RANBP3: variants seen among roughly 807,000 people sequenced by gnomAD.
RANBP3 encodes ran-binding protein 3.
In RANBP3, 14 loss-of-function variants were observed where a neutral mutation model predicts 77.3. The observed-to-expected ratio is 0.18, with a 90% CI of 0.12 to 0.28. RANBP3 has a LOEUF of 0.28. Among genes scored for constraint, RANBP3 ranks in the 10% least tolerant of loss-of-function variants. RANBP3 has a pLI of 1.00. For synonymous variants in RANBP3, 315 were observed against 312.4 expected, an observed-to-expected ratio of 1.01 and a Z score of -0.09; for missense variants, 586 against 752.3, an observed-to-expected ratio of 0.78 and a Z score of 2.59.
At chr19:5,940,172 G>A (rs2058117086) in intron 5 of RANBP3, among the ~76,000 whole-genome samples, 1 of 152,232 alleles carries the variant, frequency 6.6e-6, no homozygotes, top group Non-Finnish European at 1.5e-5. Flanking sequence ...CTGCTGCGCT[G>A]GACGGGAGGT....
Position 5,978,132 on chromosome 19 carries a change from CT to C in RANBP3, c.-51del. The C allele has an allele frequency of 1.8e-5, 29 of 1,589,150 alleles. No homozygotes were observed. The highest frequency in any genetic ancestry group is 2.4e-5 in the Non-Finnish European group (28 of 1,170,080). On this transcript the variant is annotated 5_prime_UTR_variant, in exon 1 of 17. Transcript: ENST00000340578. ...AGGCCCCGCGCCGGCCCAGGCTCGC[CT>C]GCTTTCTGCCAGAAACTCCCGCGCG...
At chr19:5,975,092 A>C (rs1172271830) in intron 1 of RANBP3, among the ~76,000 whole-genome samples, 2 of 152,242 alleles carry the variant, frequency 1.3e-5, no homozygotes, top group African/African-American at 4.8e-5. Context: ...AGGCACAGGC[A>C]AGGAGGCCCC....
chr19:5,928,279 C>A (rs1279157544), intron 8 of RANBP3, 192 bp from the exon 9 acceptor site: 3 of 517,302 alleles, frequency 5.8e-6, no homozygotes, highest in Non-Finnish European at 9.7e-6. Context: ...TGAGATCACA[C>A]CACTGCACTC....
At chr19:5,965,714 T>C (rs370547793) in intron 1 of RANBP3, 1 of 152,264 alleles carries the variant, frequency 6.6e-6, no homozygotes, top group African/African-American at 2.4e-5. Flanking sequence ...TGAAGAAGGG[T>C]TGTAGAATCC....
At position 5,927,071 on chromosome 19, in the gene RANBP3, CAA is replaced by C. The variant is rs1427986085; in HGVS notation, c.813+895_813+896del. ...AAGTACCTCCCAGTTGTGACAACCA[CAA>C]AAGTCTCTAGACACAGCCACCGATA... On this transcript the variant is annotated intron_variant, in intron 9 of 16. Transcript: ENST00000340578. Among the ~76,000 whole-genome samples the C allele has an allele frequency of 2.0e-5, 3 of 152,206 alleles. No homozygotes were observed. The East Asian group carries it at 5.8e-4, about 29-fold the overall frequency.
At chr19:5,948,546 C>T (rs1024392239) in intron 3 of RANBP3, among the ~76,000 whole-genome samples, 1 of 151,972 alleles carries the variant, frequency 6.6e-6, no homozygotes, top group African/African-American at 2.4e-5. Context: ...GAAAACCTGG[C>T]TGGTCATGGC....
intron 1 of RANBP3, among the ~76,000 whole-genome samples, chr19:5,970,584 G>A (rs1305769092): frequency 6.6e-6 from 1 of 152,096 alleles, no homozygotes; most frequent in East Asian, 1.9e-4. Context: ...CATGAGTAGA[G>A]GCTAGAGGGG....
At chr19:5,966,506 C>A (rs1488079638) in intron 1 of RANBP3, among the ~76,000 whole-genome samples, 3 of 152,254 alleles carry the variant, frequency 2.0e-5, no homozygotes, top group African/African-American at 7.2e-5. Context: ...GCTGACAACA[C>A]ACACACTCTC....
At chr19:5,917,748 G>A (rs750064687) in intron 16 of RANBP3, 46 bp downstream of exon 16, 12 of 1,585,554 alleles carry the variant, frequency 7.6e-6, no homozygotes, top group East Asian at 4.5e-5. Context: ...CAAGGATGGC[G>A]GGCAGCTCTT....
At chr19:5,929,905 A>G (rs2057965747) in intron 8 of RANBP3, among the ~76,000 whole-genome samples, 1 of 152,184 alleles carries the variant, frequency 6.6e-6, no homozygotes, top group Non-Finnish European at 1.5e-5. Context: ...AGGAGCTGGG[A>G]ATGGCAGCCA....
intron 3 of RANBP3, chr19:5,950,803 G>C (rs142677320): frequency 3.9e-5 from 6 of 154,006 alleles, no homozygotes; most frequent in African/African-American, 1.4e-4. Flanking sequence ...TCTTCAAAAG[G>C]CTTCTTAATA....
At position 5,952,526 on chromosome 19, in the gene RANBP3, C is replaced by A. The variant is rs2058288014; in HGVS notation, c.79-930G>T. On this transcript the variant is annotated intron_variant, in intron 2 of 16. Transcript: ENST00000340578. The surrounding 1 kb of genome is among the most constrained non-coding windows in gnomAD (Gnocchi z 4.1). ...TAAACACCTGGTGTCCTAAAACAGA[C>A]TCCAGTCCCCAAACCTCCCTCTTGG... Among the ~76,000 whole-genome samples the A allele has an allele frequency of 6.6e-6, 1 of 152,200 alleles. No homozygotes were observed. Among genetic ancestry groups the A allele is most frequent in the Admixed American group, 6.5e-5 (1 of 15,284 alleles).
rs771831711 is a variant in RANBP3, at chr19:5,951,378, T to A, written c.282+15A>T. 39 of 1,547,260 alleles carry A rather than the reference T, an allele frequency of 2.5e-5. No homozygotes were observed. The highest frequency in any genetic ancestry group is 3.3e-5 in the Non-Finnish European group (38 of 1,144,634). On this transcript the variant is annotated intron_variant, in intron 3 of 16. Coordinates refer to ENST00000340578, the MANE Select transcript of RANBP3 (RefSeq NM_007322.3). The stretch of plus-strand genomic sequence containing the variant: ...CCCCCTGGGCGGTAGGAGTGCCGGG[T>A]AGGTGTGGACTTACCCCTGCCAGTT...
At chr19:5,928,882 T>G (rs2057949874) in intron 8 of RANBP3, among the ~76,000 whole-genome samples, 5 of 152,222 alleles carry the variant, frequency 3.3e-5, no homozygotes, top group African/African-American at 7.2e-5. Context: ...GAAAAAGGTG[T>G]TGTAGAATTT....
intron 3 of RANBP3, among the ~76,000 whole-genome samples, chr19:5,946,667 A>T (rs552557155): frequency 6.6e-6 from 1 of 152,064 alleles, no homozygotes; most frequent in African/African-American, 2.4e-5. Flanking sequence ...CTCTGCCCCA[A>T]TCCAGGCCTC....
chr19:5,962,928 G>A lies in RANBP3; in HGVS notation c.23-4955C>T, dbSNP rs540036416. Among the ~76,000 whole-genome samples the A allele has an allele frequency of 7.9e-5, 12 of 152,212 alleles. No homozygotes were observed. In the South Asian group the frequency reaches 2.1e-3, roughly 26 times the overall value. On this transcript the variant is annotated intron_variant, in intron 1 of 16. Transcript: ENST00000340578. Reference sequence around the variant, plus strand: ...CTGGCTATACCAGTGAGGAAGCAGCGTGTGAACACCGCTACCTCCAACTCA... The same window carrying A: ...CTGGCTATACCAGTGAGGAAGCAGCATGTGAACACCGCTACCTCCAACTCA...
intron 1 of RANBP3, among the ~76,000 whole-genome samples, chr19:5,970,162 C>A (rs2058514162): frequency 6.6e-6 from 1 of 152,168 alleles, no homozygotes. Flanking sequence ...AGTGCCCTAC[C>A]AGCAAGTGAC....
At chr19:5,956,984 T>G (rs964603766) in intron 2 of RANBP3, among the ~76,000 whole-genome samples, 2 of 151,888 alleles carry the variant, frequency 1.3e-5, no homozygotes, top group Non-Finnish European at 2.9e-5. Flanking sequence ...GTGCCGCCGC[T>G]GGGCATCAGT....
intron 1 of RANBP3, among the ~76,000 whole-genome samples, chr19:5,966,455 T>C (rs1478039011): frequency 1.3e-5 from 2 of 152,264 alleles, no homozygotes; most frequent in Non-Finnish European, 2.9e-5. Flanking sequence ...CTGTCAAATG[T>C]TCGGCCCTGG....
Sources: gnomAD v4.1 joint callset for allele counts (sites outside exome capture counted in the v4.1 genomes callset) on GRCh38, gnomAD v4.1.1 for gene constraint, Gnocchi (gnomAD v3.1) non-coding constraint, MANE v1.5 for transcripts, NCBI Gene and HGNC (gene_info 2026-07-23, HGNC 2026-07-21) for gene names.